Variants in NOSTRIN observed in about 807,000 individuals in gnomAD.
The protein encoded by NOSTRIN is BM247 homolog.
In NOSTRIN, 63 loss-of-function variants were observed where a neutral mutation model predicts 59.0. The observed-to-expected ratio is 1.07, with a 90% CI of 0.87 to 1.32. The LOEUF is 1.32. Among genes scored for constraint, NOSTRIN ranks in the 40% most tolerant of loss-of-function variants. NOSTRIN has a pLI of 0.00. For synonymous variants in NOSTRIN, 200 were observed against 165.4 expected (o/e 1.21, Z -1.61); for missense variants, 512 against 473.1 (o/e 1.08, Z -0.76).
At chr2:168,806,248 A>G (rs1685846251) in intron 1 of NOSTRIN, among the ~76,000 whole-genome samples, 1 of 152,126 alleles carries the variant, frequency 6.6e-6, no homozygotes, top group African/African-American at 2.4e-5. Flanking sequence ...TTTCTTTAAC[A>G]CTGTGAGGAT....
At chr2:168,796,255 G>A (rs150771614), upstream of NOSTRIN, among the ~76,000 whole-genome samples, 5 of 152,320 alleles carry the variant, frequency 3.3e-5, no homozygotes, top group East Asian at 3.9e-4. Context: ...ACTCAGAACC[G>A]GGAGTTGGCC....
At chr2:168,851,741 T>G (rs982136926) in intron 10 of NOSTRIN, among the ~76,000 whole-genome samples, 11 of 152,214 alleles carry the variant, frequency 7.2e-5, no homozygotes, top group Admixed American at 2.0e-4. Context: ...CTGCACAAAT[T>G]GCTGTGCAAC....
chr2:168,831,168 C>T (rs1687337591), intron 5 of NOSTRIN, among the ~76,000 whole-genome samples: 1 of 152,076 alleles, frequency 6.6e-6, no homozygotes, highest in Admixed American at 6.6e-5. Context: ...AGCAAGGCAC[C>T]CACACATTAG....
chr2:168,856,004 A>G (rs2105775325), intron 11 of NOSTRIN: 1 of 392,760 alleles, frequency 2.5e-6, no homozygotes, highest in African/African-American at 2.1e-5. Flanking sequence ...ACGATAACTC[A>G]TTGCAATGGA....
intron 5 of NOSTRIN, among the ~76,000 whole-genome samples, chr2:168,828,829 A>AT (rs555163352): frequency 1.0e-3 from 158 of 152,036 alleles, no homozygotes; most frequent in Middle Eastern, 3.4e-3. Flanking sequence ...TCACATGGGG[A>AT]TTTTTTTCAC....
At chr2:168,844,838 C>A (rs1332155259) in intron 8 of NOSTRIN, among the ~76,000 whole-genome samples, 5 of 150,446 alleles carry the variant, frequency 3.3e-5, no homozygotes, top group African/African-American at 7.4e-5. Flanking sequence ...CCACTGCACA[C>A]TAGCCTAGGC....
rs540338828 is a variant in NOSTRIN, at chr2:168,864,430, C to T, written c.1385-404C>T. Among the ~76,000 whole-genome samples the T allele has an allele frequency of 1.7e-4, 26 of 152,110 alleles. 1 individual carries two copies. Among genetic ancestry groups the T allele is most frequent in the African/African-American group, 4.3e-4 (18 of 41,490 alleles). ...CCTCCTGAGTAGCTGGTATTACAGGCGTGCGCCACCACACCCAGCTAATTT... is the reference window on the plus strand; with the variant it reads ...CCTCCTGAGTAGCTGGTATTACAGGTGTGCGCCACCACACCCAGCTAATTT... On this transcript the variant is annotated intron_variant, in intron 15 of 15. Transcript: ENST00000317647.
Position 168,837,300 on chromosome 2 carries a change from C to CTTTTTTTTTTT in NOSTRIN, c.504+2992_504+3002dup, listed in dbSNP as rs761309524. Among the ~76,000 whole-genome samples, 13 of 62,180 alleles carry CTTTTTTTTTTT rather than the reference C, an allele frequency of 2.1e-4. 1 individual carries two copies. Among genetic ancestry groups the CTTTTTTTTTTT allele is most frequent in the Non-Finnish European group, 2.8e-4 (9 of 31,600 alleles). 40.8% of individuals were successfully genotyped at this position (62,180 alleles called of 152,430 possible). A position where few individuals can be genotyped will look rare whatever the true frequency, so the allele number is the denominator to read the frequency against. On this transcript the variant is annotated intron_variant, in intron 7 of 15. Transcript: ENST00000317647. ...TTTTTATAATACACTTTTTTAACAT[C>CTTTTTTTTTTT]TTTTTTTTTTTTTTTTTTTTTTTTT...
At position 168,859,607 on chromosome 2, in the gene NOSTRIN, T is replaced by C; in HGVS notation, c.1149T>C (p.Cys383=). ...LEQRPQPSHP[C]SNSIFRWREK... is the part of the protein sequence containing the mutation. ...AAAGACCTCAACCCAGCCATCCTTGTAGTAATTCCATCTTCAGGTGGAGGG... is the reference window on the plus strand; with the variant it reads ...AAAGACCTCAACCCAGCCATCCTTGCAGTAATTCCATCTTCAGGTGGAGGG... The change falls in exon 13 of 16, where the codon TGT becomes TGC. Residue 383 remains cysteine (C), a synonymous_variant. Transcript: ENST00000317647. 1 of 1,614,098 alleles carries C rather than the reference T, an allele frequency of 6.2e-7. No homozygotes were observed.
intron 2 of NOSTRIN, among the ~76,000 whole-genome samples, chr2:168,814,116 G>C (rs1264079089): frequency 6.6e-6 from 1 of 152,166 alleles, no homozygotes; most frequent in Non-Finnish European, 1.5e-5. Flanking sequence ...CTATGAATTT[G>C]TGGCACATTG....
chr2:168,863,594 T>G, intron 15 of NOSTRIN: 2 of 985,204 alleles, frequency 2.0e-6, no homozygotes, highest in Non-Finnish European at 2.4e-6. Flanking sequence ...TCCAAATTGA[T>G]GTTGTATTAA....
chr2:168,791,231 G>T (rs1010976222), intron 2 of NOSTRIN, among the ~76,000 whole-genome samples: 1 of 152,192 alleles, frequency 6.6e-6, no homozygotes, highest in Admixed American at 6.5e-5. Flanking sequence ...CTGTGAGTGA[G>T]AACATGCGGT....
chr2:168,800,043 C>A (rs1685574042), upstream of NOSTRIN, among the ~76,000 whole-genome samples: 1 of 152,190 alleles, frequency 6.6e-6, no homozygotes, highest in Non-Finnish European at 1.5e-5. Flanking sequence ...CCTCCAGAGG[C>A]CTCGAGCTCT....
intron 1 of NOSTRIN, among the ~76,000 whole-genome samples, chr2:168,809,970 TA>T (rs990869422): frequency 9.3e-5 from 14 of 150,702 alleles, no homozygotes; most frequent in Non-Finnish European, 1.5e-4. Context: ...TTGCTACCAT[TA>T]AAAAAAAATC....
intron 1 of NOSTRIN, among the ~76,000 whole-genome samples, chr2:168,803,024 A>G (rs1685672705): frequency 6.6e-6 from 1 of 152,222 alleles, no homozygotes; most frequent in East Asian, 1.9e-4. Context: ...AAAAACACAC[A>G]GAATGTCTGC....
intron 1 of NOSTRIN, among the ~76,000 whole-genome samples, chr2:168,810,078 T>TGGTTCTAGCAGCTGCCTCACC (rs1365860425): frequency 2.0e-5 from 3 of 152,194 alleles, no homozygotes; most frequent in Non-Finnish European, 4.4e-5. Flanking sequence ...TGGGCCAGAA[T>TGGTTCTAGCAGCTGCCTCACC]GGTTCTAGCA....
At chr2:168,839,063 G>A (rs1219392113) in intron 7 of NOSTRIN, among the ~76,000 whole-genome samples, 1 of 152,132 alleles carries the variant, frequency 6.6e-6, no homozygotes, top group Admixed American at 6.5e-5. Context: ...GGGATTACGG[G>A]CGTGAACCAC....
At chr2:168,821,492 C>G (rs942986851) in intron 2 of NOSTRIN, among the ~76,000 whole-genome samples, 3 of 152,242 alleles carry the variant, frequency 2.0e-5, no homozygotes, top group Admixed American at 6.5e-5. Flanking sequence ...AAGCACTCTT[C>G]TAGGCCTAGG....
intron 3 of NOSTRIN, among the ~76,000 whole-genome samples, chr2:168,826,820 A>C (rs1687088352): frequency 1.3e-5 from 2 of 152,224 alleles, no homozygotes; most frequent in African/African-American, 4.8e-5. Context: ...TGTAGCCACC[A>C]CTAAAATCAA....
Sources: allele counts gnomAD v4.1 joint callset (sites outside exome capture counted in the v4.1 genomes callset), GRCh38; gene constraint gnomAD v4.1.1; transcripts MANE v1.5; gene names NCBI Gene and HGNC (gene_info 2026-07-23, HGNC 2026-07-21).